The following CHRM5 variants were observed in gnomAD, a reference collection of about 807,000 sequenced individuals.
CHRM5 encodes the protein muscarinic acetylcholine receptor M5.
A neutral mutation model predicts 39.0 loss-of-function variants in CHRM5; 18 were observed. The observed-to-expected ratio is 0.46, with a 90% CI of 0.32 to 0.68. CHRM5 has a LOEUF of 0.68. Ranked by LOEUF, CHRM5 falls within the 30% of genes least tolerant of loss-of-function variation. The pLI is 0.04. For synonymous variants in CHRM5, 241 were observed against 246.3 expected (o/e 0.98, Z 0.20); for missense variants, 515 against 651.1 (o/e 0.79, Z 2.28).
intron 1 of CHRM5, among the ~76,000 whole-genome samples, chr15:34,036,382 G>A (rs1899126699): frequency 6.6e-6 from 1 of 152,118 alleles, no homozygotes. Context: ...ACACAAAATT[G>A]GTTTCTGAAG....
In CHRM5 at chr15:34,064,140, A is replaced by G; in HGVS notation, c.1423A>G (p.Thr475Ala). 1 of 1,614,090 alleles carries G rather than the reference A, an allele frequency of 6.2e-7. No individual in the cohort carries two copies. Among genetic ancestry groups the G allele is most frequent in the Non-Finnish European group, 8.5e-7 (1 of 1,180,016 alleles). ...STFCDKCVPVTLWHLGYWLCY... is the reference protein window; with the variant it reads ...STFCDKCVPVALWHLGYWLCY... The stretch of plus-strand genomic sequence containing the variant: ...CTTCTGTGACAAGTGTGTCCCAGTC[A>G]CCCTGTGGCACTTGGGCTATTGGTT... The change falls in exon 3 of 3, where the codon ACC becomes GCC. Residue 475 changes from threonine (T) to alanine (A), a missense_variant. Transcript: ENST00000383263.
chr15:33,983,128 C>CTGTGTGTGTGTGTGTG (rs373285133), intron 1 of CHRM5, among the ~76,000 whole-genome samples: 3 of 135,266 alleles, frequency 2.2e-5, no homozygotes, highest in African/African-American at 8.2e-5. Flanking sequence ...TGTCCATACT[C>CTGTGTGTGTGTGTGTG]TGTGTGTGTG....
At chr15:34,008,120 TAGTCGAAAATA>T (rs1897445597) in intron 1 of CHRM5, among the ~76,000 whole-genome samples, 1 of 151,646 alleles carries the variant, frequency 6.6e-6, no homozygotes, top group Non-Finnish European at 1.5e-5. Flanking sequence ...GAGAAAAAAA[TAGTCGAAAATA>T]ATGGGTGGGC....
intron 1 of CHRM5, among the ~76,000 whole-genome samples, chr15:34,026,558 G>A (rs942913378): frequency 4.6e-5 from 7 of 152,026 alleles, no homozygotes; most frequent in African/African-American, 1.7e-4. Flanking sequence ...CACCCAGGAT[G>A]TAGTAAAAAA....
intron 1 of CHRM5, among the ~76,000 whole-genome samples, chr15:34,001,595 G>A (rs1422915460): frequency 1.3e-5 from 2 of 152,096 alleles, no homozygotes; most frequent in African/African-American, 4.8e-5. Context: ...GGTACCAAGA[G>A]GGAAGCACTC....
At chr15:34,001,568 T>C (rs139752387) in intron 1 of CHRM5, among the ~76,000 whole-genome samples, 45 of 152,272 alleles carry the variant, frequency 3.0e-4, no homozygotes, top group African/African-American at 9.9e-4. Flanking sequence ...TATAAACCCA[T>C]AATTGGCCAA....
intron 1 of CHRM5, among the ~76,000 whole-genome samples, chr15:34,039,658 G>A (rs1279166777): frequency 6.6e-6 from 1 of 152,196 alleles, no homozygotes; most frequent in Admixed American, 6.5e-5. Context: ...AGAGAGAACA[G>A]TGCGAAACTG....
intron 1 of CHRM5, chr15:34,003,087 A>T (rs1689639118): frequency 1.2e-6 from 2 of 1,613,870 alleles, no homozygotes. Context: ...CTCCACTTTC[A>T]TTATTGACCT....
At chr15:34,007,943 G>A (rs1897433543) in intron 1 of CHRM5, among the ~76,000 whole-genome samples, 1 of 152,094 alleles carries the variant, frequency 6.6e-6, no homozygotes, top group South Asian at 2.1e-4. Flanking sequence ...TTCTTATGAG[G>A]ACATGAGTTA....
At chr15:34,001,123 C>T (rs1897122917) in intron 1 of CHRM5, among the ~76,000 whole-genome samples, 1 of 150,748 alleles carries the variant, frequency 6.6e-6, no homozygotes, top group Admixed American at 6.6e-5. Context: ...CAGGCTGAAG[C>T]AATTCTCCTG....
At chr15:34,053,299 CAA>C (rs71454513) in intron 2 of CHRM5, among the ~76,000 whole-genome samples, 1,207 of 51,390 alleles carry the variant, frequency 0.023, 23 homozygotes, top group East Asian at 0.17. Flanking sequence ...GACTCCATCT[CAA>C]AAAAAAAAAA....
At chr15:34,039,189 C>G (rs1298089491) in intron 1 of CHRM5, 41 of 680,714 alleles carry the variant, frequency 6.0e-5, no homozygotes, top group Non-Finnish European at 7.5e-5. Context: ...GGCTAGGGAT[C>G]GAGGCCGGCC....
At chr15:33,973,315 T>C (rs531143121) in intron 1 of CHRM5, among the ~76,000 whole-genome samples, 1 of 152,350 alleles carries the variant, frequency 6.6e-6, no homozygotes, top group East Asian at 1.9e-4. Context: ...TAGAATTTTT[T>C]GGTACAGTAA....
At chr15:34,037,339 G>T (rs894148641) in intron 1 of CHRM5, among the ~76,000 whole-genome samples, 6 of 151,886 alleles carry the variant, frequency 4.0e-5, no homozygotes, top group African/African-American at 1.5e-4. Context: ...GTGGTAACTG[G>T]TTCACGAAAA....
chr15:34,007,517 T>G (rs1264059589), intron 1 of CHRM5, among the ~76,000 whole-genome samples: 3 of 152,196 alleles, frequency 2.0e-5, no homozygotes, highest in African/African-American at 7.2e-5. Flanking sequence ...AGAGTCGCCT[T>G]TAATGTCCAT....
chr15:34,030,878 A>G (rs1898756147), intron 1 of CHRM5, among the ~76,000 whole-genome samples: 1 of 152,066 alleles, frequency 6.6e-6, no homozygotes. Context: ...TCACCCTCCC[A>G]AAGTGCTGGG....
chr15:34,009,394 T>G (rs535949315), intron 1 of CHRM5, among the ~76,000 whole-genome samples: 1 of 152,334 alleles, frequency 6.6e-6, no homozygotes, highest in South Asian at 2.1e-4. Context: ...TTCTCTTGTC[T>G]TCCCTTTACT....
At chr15:33,990,187 G>C (rs551851630) in intron 1 of CHRM5, among the ~76,000 whole-genome samples, 6 of 151,908 alleles carry the variant, frequency 3.9e-5, no homozygotes, top group Middle Eastern at 3.4e-3. Flanking sequence ...CTGGGCAACA[G>C]GGTGAGACTC....
chr15:34,021,361 C>T (rs1386815082), intron 1 of CHRM5, among the ~76,000 whole-genome samples: 1 of 151,758 alleles, frequency 6.6e-6, no homozygotes, highest in Non-Finnish European at 1.5e-5. Context: ...TCTTGGCTCA[C>T]CACAACCTCT....
Sources: gnomAD v4.1 joint callset for allele counts (sites outside exome capture counted in the v4.1 genomes callset) on GRCh38, gnomAD v4.1.1 for gene constraint, MANE v1.5 for transcripts, NCBI Gene and HGNC (gene_info 2026-07-23, HGNC 2026-07-21) for gene names.